Variants in ASTN2 observed in about 807,000 individuals in gnomAD.
ASTN2 encodes astrotactin-2.
Under a neutral mutation model 139.8 loss-of-function variants are expected in ASTN2, and 54 were observed. The ratio of observed to expected loss-of-function variants is 0.39; its 90% CI spans 0.31 to 0.48. The LOEUF (loss-of-function observed/expected upper bound fraction) is 0.48. Among genes scored for constraint, ASTN2 ranks in the 20% least tolerant of loss-of-function variants. The probability of loss-of-function intolerance (pLI) is 0.95; values close to 1 mark genes in which losing one functional copy is unlikely to be tolerated. For synonymous variants in ASTN2, 756 were observed against 719.5 expected, an observed-to-expected ratio of 1.05 and a Z score of -0.81; for missense variants, 1,565 against 1,725.1, an observed-to-expected ratio of 0.91 and a Z score of 1.64.
At chr9:117,177,968 G>T (rs1374397970) in intron 3 of ASTN2, among the ~76,000 whole-genome samples, 1 of 152,064 alleles carries the variant, frequency 6.6e-6, no homozygotes, top group African/African-American at 2.4e-5. Context: ...CAACTCCAAG[G>T]CCCCGTGTGA....
chr9:116,819,945 C>A (rs1831438450), intron 12 of ASTN2, among the ~76,000 whole-genome samples: 1 of 152,200 alleles, frequency 6.6e-6, no homozygotes, highest in Admixed American at 6.5e-5. Context: ...GATGGTCAAA[C>A]TGTGGCCCAG....
intron 2 of ASTN2, among the ~76,000 whole-genome samples, chr9:117,269,318 C>T (rs1409037327): frequency 6.6e-6 from 1 of 152,188 alleles, no homozygotes. Context: ...TAACAGGTGC[C>T]TTTGCTAGAA....
At chr9:117,157,011 C>T (rs1327936773) in intron 3 of ASTN2, among the ~76,000 whole-genome samples, 1 of 152,000 alleles carries the variant, frequency 6.6e-6, no homozygotes, top group Non-Finnish European at 1.5e-5. Context: ...CATACACCCT[C>T]TTGTCCATGC....
chr9:117,407,838 C>T (rs1831040505), intron 1 of ASTN2, among the ~76,000 whole-genome samples: 1 of 152,142 alleles, frequency 6.6e-6, no homozygotes, highest in Admixed American at 6.5e-5. Flanking sequence ...CTCTCTCTCA[C>T]TATAGTTAAT....
chr9:116,919,640 A>ATTTTT (rs72054196), intron 10 of ASTN2, among the ~76,000 whole-genome samples: 23 of 113,562 alleles, frequency 2.0e-4, no homozygotes, highest in African/African-American at 4.9e-4. Flanking sequence ...CAAAAACATC[A>ATTTTT]TTTTTTTTTT....
intron 19 of ASTN2, among the ~76,000 whole-genome samples, chr9:116,545,415 T>A (rs1852051751): frequency 6.6e-6 from 1 of 152,210 alleles, no homozygotes; most frequent in African/African-American, 2.4e-5. Context: ...CTTAAAGCAG[T>A]CATTTTTCAA....
chr9:116,988,529 C>G (rs1389415429), intron 7 of ASTN2, among the ~76,000 whole-genome samples: 2 of 152,106 alleles, frequency 1.3e-5, no homozygotes, highest in African/African-American at 4.8e-5. Context: ...ACTTAACCAC[C>G]CTGTGAAGCG....
At chr9:117,055,874 G>A (rs998695167) in intron 5 of ASTN2, among the ~76,000 whole-genome samples, 1 of 152,234 alleles carries the variant, frequency 6.6e-6, no homozygotes, top group Non-Finnish European at 1.5e-5. Context: ...GAAGGTAAAT[G>A]TTATGCAATG....
At chr9:116,504,024 A>G (rs1400642757) in intron 19 of ASTN2, among the ~76,000 whole-genome samples, 1 of 152,186 alleles carries the variant, frequency 6.6e-6, no homozygotes, top group African/African-American at 2.4e-5. Context: ...ACCCAAAACC[A>G]TGGGGATCCT....
intron 19 of ASTN2, among the ~76,000 whole-genome samples, chr9:116,535,741 G>C (rs1360653813): frequency 2.0e-5 from 3 of 152,160 alleles, no homozygotes; most frequent in Non-Finnish European, 4.4e-5. Context: ...AATCTGATGG[G>C]CTTCCCTTTG....
At position 116,425,882 on chromosome 9, in the gene ASTN2, C is replaced by T. The variant is rs367824366; in HGVS notation, c.3989G>A (p.Arg1330Gln). Residue 1330 changes from arginine to glutamine, a missense_variant, in exon 23 of 23, where the codon CGA becomes CAA. Physicochemically the swap from Arg to Gln is conservative, Grantham distance 43. This residue lies in a region of ASTN2 where 418 missense variants were observed against 465.8 expected (regional missense o/e 0.90). Coordinates refer to ENST00000313400, the MANE Select transcript of ASTN2 (RefSeq NM_001365068.1). ...GCCCTTGGACTCCCCGTACGTGTTTCGGGCCATTGACACCATCTTCTCCTC... is the reference window on the plus strand; with the variant it reads ...GCCCTTGGACTCCCCGTACGTGTTTTGGGCCATTGACACCATCTTCTCCTC... ...TCEEKMVSMARNTYGESKGR is the reference protein window; with the variant it reads ...TCEEKMVSMAQNTYGESKGR 1.8e-5 allele frequency: 29 copies of T among 1,614,104 alleles called. No homozygotes were observed. Among genetic ancestry groups the T allele is most frequent in the African/African-American group, 2.7e-5 (2 of 75,006 alleles).
At chr9:117,051,539 C>T (rs1006506874) in intron 5 of ASTN2, among the ~76,000 whole-genome samples, 2 of 152,144 alleles carry the variant, frequency 1.3e-5, no homozygotes, top group Non-Finnish European at 2.9e-5. Context: ...CAACTATAAC[C>T]AGCTGAACAT....
intron 4 of ASTN2, among the ~76,000 whole-genome samples, chr9:117,105,590 T>C (rs1829083102): frequency 6.6e-6 from 1 of 152,156 alleles, no homozygotes; most frequent in African/African-American, 2.4e-5. Flanking sequence ...GAGTATAAGA[T>C]TGTTGGTTTA....
intron 16 of ASTN2, among the ~76,000 whole-genome samples, chr9:116,652,300 TG>T (rs1167335065): frequency 6.6e-6 from 1 of 152,130 alleles, no homozygotes; most frequent in Non-Finnish European, 1.5e-5. Context: ...CACACCAACC[TG>T]GGCAAGAGAG....
At chr9:117,322,333 A>G (rs1312788769) in intron 1 of ASTN2, among the ~76,000 whole-genome samples, 3 of 152,162 alleles carry the variant, frequency 2.0e-5, no homozygotes, top group Non-Finnish European at 4.4e-5. Context: ...CACTGAATAA[A>G]TACGTGTATG....
chr9:116,806,945 G>A (rs1373598951), intron 12 of ASTN2, among the ~76,000 whole-genome samples: 1 of 152,076 alleles, frequency 6.6e-6, no homozygotes, highest in African/African-American at 2.4e-5. Context: ...CATAATTTCT[G>A]CTTTACACAT....
At chr9:116,927,468 C>T (rs1193207738) in intron 10 of ASTN2, among the ~76,000 whole-genome samples, 1 of 152,136 alleles carries the variant, frequency 6.6e-6, no homozygotes, top group Non-Finnish European at 1.5e-5. Flanking sequence ...GTTGAGATTC[C>T]TTTTTTAACC....
rs528340357 is a variant in ASTN2, at chr9:116,569,288, A to T, written c.3355+49036T>A. ...AGCTTTGGTTTGCTTGTGTGTGAAA[A>T]TGACAAATATAGTGCAGGCCTAACA... On this transcript the variant is annotated intron_variant, in intron 19 of 22. Coordinates refer to ENST00000313400, the MANE Select transcript of ASTN2 (RefSeq NM_001365068.1). 1.2e-4 allele frequency among the ~76,000 whole-genome samples: 18 copies of T among 152,340 alleles called. No individual in the cohort carries two copies. In the East Asian group the frequency reaches 1.5e-3, roughly 13 times the overall value.
At chr9:116,637,661 G>A (rs920455107) in intron 17 of ASTN2, among the ~76,000 whole-genome samples, 7 of 152,184 alleles carry the variant, frequency 4.6e-5, no homozygotes, top group African/African-American at 1.7e-4. Flanking sequence ...AGAAGGGGCT[G>A]GGTACGGTAG....
Sources: gnomAD v4.1 joint callset for allele counts (sites outside exome capture counted in the v4.1 genomes callset) on GRCh38, gnomAD v4.1.1 for gene constraint, gnomAD v4.1.1 regional missense constraint, MANE v1.5 for transcripts, NCBI Gene and HGNC (gene_info 2026-07-23, HGNC 2026-07-21) for gene names.